Variants in SORCS3 observed in about 807,000 individuals in gnomAD.
The protein encoded by SORCS3 is sortilin related VPS10 domain containing receptor 3.
In SORCS3, 57 loss-of-function variants were observed where a neutral mutation model predicts 146.3. The ratio of observed to expected loss-of-function variants is 0.39; its 90% CI spans 0.31 to 0.49. SORCS3 has a LOEUF of 0.49. Ranked by LOEUF, SORCS3 falls within the 20% of genes least tolerant of loss-of-function variation. The pLI, the probability that SORCS3 is intolerant of heterozygous loss-of-function variation, is 0.92. For missense variants in SORCS3, 1,341 were observed against 1,575.5 expected (o/e 0.85, Z 2.52); for synonymous variants, 653 against 618.5 (o/e 1.06, Z -0.83).
chr10:104,887,869 A>C (rs1268107917), intron 2 of SORCS3, among the ~76,000 whole-genome samples: 1 of 146,780 alleles, frequency 6.8e-6, no homozygotes, highest in African/African-American at 2.5e-5. Context: ...CTGGATCTGC[A>C]TGAGGTGTCT....
intron 7 of SORCS3, among the ~76,000 whole-genome samples, chr10:105,120,767 T>A (rs971225160): frequency 6.6e-6 from 1 of 152,216 alleles, no homozygotes; most frequent in Non-Finnish European, 1.5e-5. Context: ...TAATAAAATA[T>A]GAATGGGTCA....
chr10:104,862,764 A>G (rs1838636918), intron 2 of SORCS3, among the ~76,000 whole-genome samples: 1 of 152,144 alleles, frequency 6.6e-6, no homozygotes, highest in South Asian at 2.1e-4. Context: ...TTTACCTGTT[A>G]TCATAGTATT....
At chr10:104,837,294 G>A (rs1258376865) in intron 1 of SORCS3, among the ~76,000 whole-genome samples, 3 of 152,104 alleles carry the variant, frequency 2.0e-5, no homozygotes, top group Non-Finnish European at 4.4e-5. Flanking sequence ...TATGAACAGT[G>A]TTATTTCAAA....
At chr10:104,953,643 C>T (rs2019457195) in intron 3 of SORCS3, among the ~76,000 whole-genome samples, 1 of 152,148 alleles carries the variant, frequency 6.6e-6, no homozygotes, top group South Asian at 2.1e-4. Context: ...GTTACATGTC[C>T]TCCACTGTGT....
At chr10:105,142,114 C>G (rs188231279) in intron 8 of SORCS3, among the ~76,000 whole-genome samples, 1 of 152,246 alleles carries the variant, frequency 6.6e-6, no homozygotes, top group South Asian at 2.1e-4. Context: ...CACTTTACCA[C>G]GCTGAGCCTG....
intron 3 of SORCS3, among the ~76,000 whole-genome samples, chr10:104,934,148 C>T (rs562986491): frequency 2.0e-5 from 3 of 152,190 alleles, no homozygotes; most frequent in South Asian, 2.1e-4. Flanking sequence ...TATTTTTAAC[C>T]CCAGATGAAA....
At chr10:104,720,921 T>G (rs2016540257) in intron 1 of SORCS3, among the ~76,000 whole-genome samples, 1 of 152,240 alleles carries the variant, frequency 6.6e-6, no homozygotes, top group Admixed American at 6.5e-5. Context: ...TCCCACTCTG[T>G]AGGTTGCCTG....
At chr10:105,033,330 AGTCAGGACCTCTGG>A (rs1218305022) in intron 4 of SORCS3, among the ~76,000 whole-genome samples, 4 of 152,304 alleles carry the variant, frequency 2.6e-5, no homozygotes, top group African/African-American at 9.6e-5. Context: ...CATTGAGTGA[AGTCAGGACCTCTGG>A]GTTCAAATTC....
At chr10:105,252,506 A>G (rs530673267) in intron 22 of SORCS3, among the ~76,000 whole-genome samples, 2 of 152,364 alleles carry the variant, frequency 1.3e-5, no homozygotes, top group South Asian at 4.1e-4. Context: ...TTCCCAGCAA[A>G]TAATGTTTTA....
chr10:105,114,705 A>C (rs2055881721), intron 7 of SORCS3, among the ~76,000 whole-genome samples: 1 of 152,148 alleles, frequency 6.6e-6, no homozygotes, highest in African/African-American at 2.4e-5. Context: ...AACCTTTGTA[A>C]AGATGCCAAG....
intron 2 of SORCS3, among the ~76,000 whole-genome samples, chr10:104,854,681 C>A (rs2018310747): frequency 6.6e-6 from 1 of 152,094 alleles, no homozygotes; most frequent in Non-Finnish European, 1.5e-5. Flanking sequence ...AGGAATCTCT[C>A]ATCTTGCCAT....
chr10:105,154,465 C>A (rs185465792), intron 9 of SORCS3, among the ~76,000 whole-genome samples: 11 of 152,304 alleles, frequency 7.2e-5, no homozygotes, highest in Admixed American at 2.0e-4. Context: ...CAAATTGATT[C>A]CCAGAGGGAA....
intron 1 of SORCS3, among the ~76,000 whole-genome samples, chr10:104,747,446 C>T (rs917266716): frequency 6.6e-6 from 1 of 152,126 alleles, no homozygotes; most frequent in Non-Finnish European, 1.5e-5. Context: ...AGTACAGTCA[C>T]CCACATGAAT....
At chr10:104,905,224 A>C (rs2018893323) in intron 2 of SORCS3, among the ~76,000 whole-genome samples, 1 of 152,220 alleles carries the variant, frequency 6.6e-6, no homozygotes. Flanking sequence ...ACAAAGGAAG[A>C]GATAAATGAA....
intron 20 of SORCS3, among the ~76,000 whole-genome samples, chr10:105,232,435 CTTAA>C (rs2056770815): frequency 6.6e-6 from 1 of 151,874 alleles, no homozygotes; most frequent in South Asian, 2.1e-4. Context: ...TCTCTTTTTT[CTTAA>C]TTAGCCTGGC....
At chr10:104,699,148 G>C (rs1589463140) in intron 1 of SORCS3, among the ~76,000 whole-genome samples, 1 of 152,110 alleles carries the variant, frequency 6.6e-6, no homozygotes, top group Non-Finnish European at 1.5e-5. Flanking sequence ...CAAGGGTTTA[G>C]GTATAAAAGG....
At chr10:105,174,701 C>G (rs1390659422) in intron 13 of SORCS3, among the ~76,000 whole-genome samples, 4 of 152,082 alleles carry the variant, frequency 2.6e-5, no homozygotes, top group Admixed American at 2.6e-4. Context: ...CCTTTTCTAC[C>G]TGGACGTTGT....
At chr10:104,932,715 T>C (rs544177936) in intron 3 of SORCS3, among the ~76,000 whole-genome samples, 1 of 152,316 alleles carries the variant, frequency 6.6e-6, no homozygotes, top group East Asian at 1.9e-4. Context: ...TTTTTAGAAA[T>C]GAGGTCTGTC....
In SORCS3 at chr10:104,641,870, C is replaced by A; in HGVS notation, c.543C>A (p.Leu181=). 6.3e-7 allele frequency: 1 copy of A among 1,584,224 alleles called. No homozygotes were observed. Among genetic ancestry groups the A allele is most frequent in the East Asian group, 2.3e-5 (1 of 43,378 alleles). Residue 181 remains leucine, a synonymous_variant, in exon 1 of 27, where the codon CTC becomes CTA. Transcript: ENST00000369701. The surrounding 1 kb of genome is among the most constrained non-coding windows in gnomAD (Gnocchi z 6.4). ...PRAGGSAAED[L]RLPSTSFALT... is the part of the protein sequence containing the mutation. Reference sequence around the variant, plus strand: ...CTGGGGGGTCGGCGGCTGAAGACCTCCGGCTGCCCAGCACCTCCTTCGCGC... The same window carrying A: ...CTGGGGGGTCGGCGGCTGAAGACCTACGGCTGCCCAGCACCTCCTTCGCGC...
Sources: gnomAD v4.1 joint callset for allele counts (sites outside exome capture counted in the v4.1 genomes callset) on GRCh38, gnomAD v4.1.1 for gene constraint, Gnocchi (gnomAD v3.1) non-coding constraint, MANE v1.5 for transcripts, NCBI Gene and HGNC (gene_info 2026-07-23, HGNC 2026-07-21) for gene names.